STK36: variants seen among roughly 807,000 people sequenced by gnomAD.
STK36 encodes the protein serine/threonine kinase 36, also known as serine/threonine-protein kinase 36.
A neutral mutation model predicts 142.2 loss-of-function variants in STK36; 116 were observed. That is an observed-to-expected ratio of 0.82 (90% CI 0.70 to 0.95). The LOEUF is 0.95. Among genes scored for constraint, STK36 ranks in the 40% least tolerant of loss-of-function variants. The pLI is 0.00. For missense variants in STK36, 1,422 were observed against 1,617.2 expected, an observed-to-expected ratio of 0.88 and a Z score of 2.07; for synonymous variants, 619 against 641.7, an observed-to-expected ratio of 0.96 and a Z score of 0.53.
intron 25 of STK36, 46 bp from the exon 26 acceptor site, chr2:218,698,556 A>G (rs757428347): frequency 1.3e-6 from 2 of 1,587,354 alleles, no homozygotes; most frequent in Non-Finnish European, 1.7e-6. Context: ...TTATAGCTGC[A>G]TATACTCTCT....
At chr2:218,675,540 T>G (rs1940200086) in intron 5 of STK36, 67 bp downstream of exon 5, 1 of 1,391,538 alleles carries the variant, frequency 7.2e-7, no homozygotes, top group Non-Finnish European at 9.8e-7. Context: ...TTTTTTTTTT[T>G]TGAGATGGAG....
intron 6 of STK36, among the ~76,000 whole-genome samples, chr2:218,676,564 G>A (rs1940257149): frequency 1.3e-5 from 2 of 151,780 alleles, no homozygotes; most frequent in African/African-American, 4.8e-5. Context: ...GGGGAAACAG[G>A]CATGTCTTAC....
chr2:218,697,161 G>T lies in STK36; in HGVS notation c.2709G>T (p.Ser903=), dbSNP rs751663506. Reference sequence around the variant, plus strand: ...CATCTGCACAGGAAGGGGAGCTTTCGCTATCCAGTCCACCAAGCCCTGAGC... The same window carrying T: ...CATCTGCACAGGAAGGGGAGCTTTCTCTATCCAGTCCACCAAGCCCTGAGC... The part of the protein sequence containing the change: ...EEASAQEGEL[S]LSSPPSPEPD... The change falls in exon 23 of 27, where the codon TCG becomes TCT. Residue 903 remains serine, a synonymous_variant. Transcript: ENST00000295709. 3 of 1,614,110 alleles carry T rather than the reference G, an allele frequency of 1.9e-6. No homozygotes were observed. The highest frequency in any genetic ancestry group is 3.3e-5 in the Admixed American group (2 of 59,998).
rs1200798734 is a variant in STK36 at position 218,689,892 on chromosome 2, A to G, written c.1594A>G (p.Met532Val). 6.2e-7 allele frequency: 1 copy of G among 1,609,660 alleles called. No homozygotes were observed. Among genetic ancestry groups the G allele is most frequent in the Non-Finnish European group, 8.5e-7 (1 of 1,177,954 alleles). The change falls in exon 13 of 27, where the codon ATG becomes GTG. Residue 532 changes from methionine to valine, a missense_variant. Physicochemically the swap from Met to Val is conservative, Grantham distance 21. Coordinates refer to ENST00000295709, the MANE Select transcript of STK36 (RefSeq NM_015690.5). ...GTATGGGACCTTCTTACAGGACCTG[A>G]TGGCTGTGATTCAGGCCTACTTTGC... ...SWYGTFLQDL[M>V]AVIQAYFACT...
intron 12 of STK36, 141 bp from the exon 13 acceptor site, chr2:218,689,718 C>T (rs1405732914): frequency 1.5e-6 from 1 of 672,168 alleles, no homozygotes; most frequent in East Asian, 2.7e-5. Context: ...CCCTAGAACT[C>T]TCTCTCTGCC....
intron 10 of STK36, among the ~76,000 whole-genome samples, chr2:218,682,763 T>C (rs981411382): frequency 6.6e-6 from 1 of 151,946 alleles, no homozygotes; most frequent in African/African-American, 2.4e-5. Flanking sequence ...CTGGCTAATT[T>C]TTGTGTTTTT....
chr2:218,676,809 C>G (rs756213821), intron 6 of STK36, among the ~76,000 whole-genome samples: 3 of 151,276 alleles, frequency 2.0e-5, no homozygotes, highest in African/African-American at 7.3e-5. Flanking sequence ...CCACGACACC[C>G]GGCTAATTTT....
chr2:218,690,368 A>G (rs1164971433), intron 13 of STK36, 82 bp from the exon 14 acceptor site: 2 of 1,114,164 alleles, frequency 1.8e-6, no homozygotes, highest in South Asian at 1.2e-5. Context: ...AGATTCTCCT[A>G]CCTGCCCAGG....
intron 22 of STK36, chr2:218,696,822 C>A: frequency 1.1e-6 from 1 of 910,530 alleles, no homozygotes; most frequent in Non-Finnish European, 1.8e-6. Flanking sequence ...AAAATGAATT[C>A]CCTGGGTTTC....
chr2:218,675,966 G>T (rs893409768), intron 5 of STK36, 63 bp from the exon 6 acceptor site: 2 of 1,593,348 alleles, frequency 1.3e-6, no homozygotes, highest in East Asian at 2.2e-5. Context: ...TCTATGTTAG[G>T]TAGTAGTGAC....
intron 11 of STK36, 199 bp from the exon 12 acceptor site, chr2:218,688,498 C>A (rs1940865572): frequency 1.1e-5 from 7 of 644,296 alleles, no homozygotes; most frequent in East Asian, 8.5e-5. Context: ...TGTTAGGTAA[C>A]CTGACCATCT....
chr2:218,672,311 A>G (rs1218004393), intron 1 of STK36, 96 bp downstream of exon 1: 2 of 402,528 alleles, frequency 5.0e-6, no homozygotes, highest in Non-Finnish European at 9.1e-6. Flanking sequence ...AGATGGGGCT[A>G]AACGCCAGGG....
At chr2:218,682,671 G>A (rs1179818362) in intron 10 of STK36, among the ~76,000 whole-genome samples, 1 of 152,086 alleles carries the variant, frequency 6.6e-6, no homozygotes, top group Non-Finnish European at 1.5e-5. Flanking sequence ...TCGGCTCACT[G>A]TAACCTCCGA....
At chr2:218,679,763 C>G in intron 8 of STK36, 34 bp downstream of exon 8, 1 of 1,613,520 alleles carries the variant, frequency 6.2e-7, no homozygotes, top group Non-Finnish European at 8.5e-7. Flanking sequence ...GTGAAATGAC[C>G]AGGCTAGTGA....
Position 218,699,031 on chromosome 2 carries a change from G to A in STK36, c.3487G>A (p.Asp1163Asn), listed in dbSNP as rs1409786170. The change falls in exon 26 of 27, where the codon GAC (aspartate) becomes AAC (asparagine). Residue 1163 changes from aspartate (D) to asparagine (N), a missense_variant. Coordinates refer to ENST00000295709, the MANE Select transcript of STK36 (RefSeq NM_015690.5). Reference protein sequence around the residue: ...LLSLLLLGLGDKDPVVRCSAS... With the variant: ...LLSLLLLGLGNKDPVVRCSAS... The stretch of plus-strand genomic sequence containing the variant: ...CAGCCTTCTGCTGCTTGGGCTTGGA[G>A]ACAAGGATCCTGTTGTGCGGTGCAG... The A allele has an allele frequency of 6.2e-7, 1 of 1,614,154 alleles. No individual in the cohort carries two copies. Among genetic ancestry groups the A allele is most frequent in the Admixed American group, 1.7e-5 (1 of 60,020 alleles).
chr2:218,688,166 A>C (rs574717233), intron 11 of STK36, among the ~76,000 whole-genome samples: 23 of 152,214 alleles, frequency 1.5e-4, no homozygotes, highest in Non-Finnish European at 3.2e-4. Context: ...GTCTCGAAAA[A>C]TAAATAAAGG....
intron 2 of STK36, chr2:218,673,156 T>C (rs1940066722): frequency 4.2e-6 from 2 of 471,150 alleles, no homozygotes; most frequent in Non-Finnish European, 7.7e-6. Context: ...TTTCCTTATC[T>C]CTAGAATGGG....
Position 218,676,195 on chromosome 2 carries a change from T to G in STK36, c.601T>G (p.Tyr201Asp). The G allele has an allele frequency of 6.2e-7, 1 of 1,614,218 alleles. No individual in the cohort carries two copies. ...ACTGGCAGTAGGCACCCCTCCCTTC[T>G]ATGCTACAAGCATCTTTCAGCTGGT... ...YELAVGTPPF[Y>D]ATSIFQLVSL... Residue 201 changes from tyrosine (Y) to aspartate (D), a missense_variant, in exon 6 of 27, where the codon TAT (tyrosine) becomes GAT (aspartate). This residue lies in a region of STK36 where 460 missense variants were observed against 449.6 expected (regional missense o/e 1.02). Coordinates refer to ENST00000295709, the MANE Select transcript of STK36 (RefSeq NM_015690.5).
intron 14 of STK36, among the ~76,000 whole-genome samples, chr2:218,691,815 C>T (rs1941011727): frequency 6.6e-6 from 1 of 152,194 alleles, no homozygotes; most frequent in African/African-American, 2.4e-5. Context: ...GCCTCGGCCT[C>T]CCAATCCCCT....
Sources: allele counts gnomAD v4.1 joint callset (sites outside exome capture counted in the v4.1 genomes callset), GRCh38; gene constraint gnomAD v4.1.1; regional missense constraint gnomAD v4.1.1; transcripts MANE v1.5; gene names NCBI Gene and HGNC (gene_info 2026-07-23, HGNC 2026-07-21).